DIS3L2: variants seen among roughly 807,000 people sequenced by gnomAD.
DIS3L2 encodes DIS3 like 3'-5' exoribonuclease 2.
In DIS3L2, 34 loss-of-function variants were observed where a neutral mutation model predicts 97.5. The ratio of observed to expected loss-of-function variants is 0.35; its 90% confidence interval spans 0.27 to 0.46. The LOEUF (loss-of-function observed/expected upper bound fraction) is 0.46. DIS3L2 is among the 20% of genes least tolerant of loss of function. The probability of loss-of-function intolerance (pLI) is 1.00; values close to 1 mark genes in which losing one functional copy is unlikely to be tolerated. For missense variants in DIS3L2, 1,038 were observed against 1,146.0 expected (o/e 0.91, Z 1.36); for synonymous variants, 435 against 445.2 (o/e 0.98, Z 0.29).
intron 9 of DIS3L2, among the ~76,000 whole-genome samples, chr2:232,167,934 A>G (rs193007115): frequency 0.012 from 1,828 of 152,270 alleles, 17 homozygotes; most frequent in Non-Finnish European, 0.018. Context: ...CTGTAATCCC[A>G]GCTGCTCGGG....
chr2:232,029,131 GA>G (rs1408265522), intron 4 of DIS3L2, among the ~76,000 whole-genome samples: 1 of 151,324 alleles, frequency 6.6e-6, no homozygotes, highest in East Asian at 1.9e-4. Flanking sequence ...AAATTTGAGT[GA>G]TGATGTTCCA....
intron 9 of DIS3L2, among the ~76,000 whole-genome samples, chr2:232,167,630 A>T (rs534676987): frequency 6.6e-6 from 1 of 152,354 alleles, no homozygotes; most frequent in South Asian, 2.1e-4. Flanking sequence ...TTTGAAATTC[A>T]GCTAGTAAAT....
At chr2:232,250,816 G>GCC (rs1453033890) in intron 12 of DIS3L2, among the ~76,000 whole-genome samples, 1 of 152,066 alleles carries the variant, frequency 6.6e-6, no homozygotes, top group Non-Finnish European at 1.5e-5. Flanking sequence ...AATTCTGGTC[G>GCC]CCAGGCCTAT....
chr2:232,195,923 T>G (rs1229111649), intron 9 of DIS3L2, among the ~76,000 whole-genome samples: 1 of 152,156 alleles, frequency 6.6e-6, no homozygotes. Flanking sequence ...GAGTTTGTTT[T>G]GGGGAGAGGC....
intron 9 of DIS3L2, among the ~76,000 whole-genome samples, chr2:232,187,196 C>T (rs1691463816): frequency 6.6e-6 from 1 of 151,836 alleles, no homozygotes; most frequent in Admixed American, 6.6e-5. Flanking sequence ...AAATCAAAAC[C>T]ACAATGAGAT....
At chr2:232,103,798 C>T (rs1308548092) in intron 6 of DIS3L2, among the ~76,000 whole-genome samples, 1 of 152,110 alleles carries the variant, frequency 6.6e-6, no homozygotes, top group East Asian at 1.9e-4. Context: ...CTAGAGCTTT[C>T]TTTAGTTGGC....
chr2:232,021,170 T>G (rs1357406800), intron 3 of DIS3L2, among the ~76,000 whole-genome samples: 1 of 152,130 alleles, frequency 6.6e-6, no homozygotes, highest in African/African-American at 2.4e-5. Context: ...TAGCTGGGGT[T>G]AGTTGAGAGT....
intron 14 of DIS3L2, among the ~76,000 whole-genome samples, chr2:232,327,823 C>T (rs780122008): frequency 2.0e-5 from 3 of 152,230 alleles, no homozygotes; most frequent in Non-Finnish European, 2.9e-5. Context: ...ACAGTGCCTG[C>T]GTCCTGAGGG....
At chr2:232,199,528 G>T (rs1440228046) in intron 9 of DIS3L2, among the ~76,000 whole-genome samples, 1 of 152,134 alleles carries the variant, frequency 6.6e-6, no homozygotes, top group Admixed American at 6.5e-5. Context: ...ATAAGATTTG[G>T]AGTAGGGTAA....
At chr2:232,312,279 C>G (rs917046792) in intron 14 of DIS3L2, among the ~76,000 whole-genome samples, 8 of 152,128 alleles carry the variant, frequency 5.3e-5, no homozygotes, top group Admixed American at 4.6e-4. Flanking sequence ...CTAAAAGAAT[C>G]TACTTAGAAT....
At chr2:232,018,766 C>T (rs927702177) in intron 3 of DIS3L2, among the ~76,000 whole-genome samples, 5 of 151,862 alleles carry the variant, frequency 3.3e-5, no homozygotes, top group South Asian at 4.2e-4. Context: ...ACTAATACTT[C>T]GACATTTCAT....
chr2:232,068,464 C>A (rs1695914712), intron 5 of DIS3L2, among the ~76,000 whole-genome samples: 2 of 151,540 alleles, frequency 1.3e-5, no homozygotes, highest in Non-Finnish European at 2.9e-5. Context: ...ATGCAATAGT[C>A]CCAGCTACTT....
At chr2:232,100,160 A>G (rs548317899) in intron 6 of DIS3L2, among the ~76,000 whole-genome samples, 14 of 147,796 alleles carry the variant, frequency 9.5e-5, no homozygotes, top group African/African-American at 3.5e-4. Flanking sequence ...ACTAGCTGGG[A>G]TTACAGGTGC....
intron 1 of DIS3L2, among the ~76,000 whole-genome samples, chr2:231,967,285 A>G (rs1197852149): frequency 1.3e-5 from 2 of 152,232 alleles, no homozygotes; most frequent in African/African-American, 4.8e-5. Flanking sequence ...AGAATTCTGC[A>G]TTATAAGTTC....
At chr2:232,097,278 G>C (rs920116007) in intron 6 of DIS3L2, among the ~76,000 whole-genome samples, 1 of 152,126 alleles carries the variant, frequency 6.6e-6, no homozygotes, top group African/African-American at 2.4e-5. Context: ...ACATCTCTCT[G>C]TCTGTGCTGA....
rs147546802 is a variant in DIS3L2 at position 232,332,748 on chromosome 2, G to A, written c.2011-1092G>A. 1.9e-3 allele frequency among the ~76,000 whole-genome samples: 289 copies of A among 152,336 alleles called. 1 individual carries two copies. The highest frequency in any genetic ancestry group is 3.6e-3 in the Non-Finnish European group (242 of 68,032). ...AGACGAGAAGGGCCGAGGCTGGCAG[G>A]CCGGAAACTGCCTCCCTTGACTGCT... On this transcript the variant is annotated intron_variant, in intron 16 of 20. Coordinates refer to ENST00000325385, the MANE Select transcript of DIS3L2 (RefSeq NM_152383.5).
intron 8 of DIS3L2, among the ~76,000 whole-genome samples, chr2:232,140,742 G>A (rs1191690857): frequency 6.6e-6 from 1 of 152,192 alleles, no homozygotes; most frequent in Non-Finnish European, 1.5e-5. Flanking sequence ...CCCTAGTGCT[G>A]CCTTGGGGCC....
At chr2:232,271,696 C>T (rs1694011509) in intron 13 of DIS3L2, among the ~76,000 whole-genome samples, 1 of 152,140 alleles carries the variant, frequency 6.6e-6, no homozygotes, top group African/African-American at 2.4e-5. Context: ...CTTAGCTGTT[C>T]AGCACTCAGG....
At chr2:232,238,803 T>G (rs1693004256) in intron 11 of DIS3L2, among the ~76,000 whole-genome samples, 158 bp downstream of exon 11, 1 of 152,150 alleles carries the variant, frequency 6.6e-6, no homozygotes. Flanking sequence ...GGCCCTGCTA[T>G]ATAAGTAACT....
Sources: allele counts gnomAD v4.1 joint callset (sites outside exome capture counted in the v4.1 genomes callset), GRCh38; gene constraint gnomAD v4.1.1; transcripts MANE v1.5; gene names NCBI Gene and HGNC (gene_info 2026-07-23, HGNC 2026-07-21).